The following PMM1 variants were observed in gnomAD, a reference collection of about 807,000 sequenced individuals.
PMM1 encodes the protein brain glucose-1,6-bisphosphatase.
In PMM1, 25 loss-of-function variants were observed where a neutral mutation model predicts 34.0. The ratio of observed to expected loss-of-function variants is 0.73; its 90% CI spans 0.54 to 1.03. The LOEUF is 1.03. Ranked by LOEUF, PMM1 falls within the 50% of genes least tolerant of loss-of-function variation. PMM1 has a pLI of 0.00. For missense variants in PMM1, 321 were observed against 350.1 expected (o/e 0.92, Z 0.66); for synonymous variants, 134 against 143.9 (o/e 0.93, Z 0.49).
chr22:41,577,300 C>G lies in PMM1; in HGVS notation c.*18G>C. 1.2e-6 allele frequency: 2 copies of G among 1,612,686 alleles called. No homozygotes were observed. The highest frequency in any genetic ancestry group is 1.7e-6 in the Non-Finnish European group (2 of 1,179,986). On this transcript the variant is annotated 3_prime_UTR_variant, in exon 8 of 8. Coordinates refer to ENST00000216259, the MANE Select transcript of PMM1 (RefSeq NM_002676.3). ...GCCAAACTCTTCAGAAGTCACGACA[C>G]ACAGATGTGGGCCCCGGTCACGCCT...
intron 5 of PMM1, chr22:41,579,895 A>T (rs576628716): frequency 6.6e-6 from 1 of 152,470 alleles, no homozygotes; most frequent in East Asian, 1.9e-4. Flanking sequence ...GGACTAAAGG[A>T]CAGAGAAGTA....
intron 1 of PMM1, chr22:41,588,543 C>A: frequency 6.8e-6 from 4 of 588,646 alleles, no homozygotes; most frequent in Non-Finnish European, 8.6e-6. Context: ...TTAGTAGAGA[C>A]GGGGTTTCAC....
At chr22:41,581,900 G>A (rs1372273960) in intron 5 of PMM1, among the ~76,000 whole-genome samples, 4 of 151,992 alleles carry the variant, frequency 2.6e-5, no homozygotes, top group African/African-American at 7.3e-5. Flanking sequence ...CAGAAGAATC[G>A]CTTGAACCAG....
At position 41,576,935 on chromosome 22, in the gene PMM1, T is replaced by C; in HGVS notation, c.*383A>G. The C allele has an allele frequency of 3.0e-6, 1 of 329,034 alleles. No individual in the cohort carries two copies. The highest frequency in any genetic ancestry group is 5.9e-6 in the Non-Finnish European group (1 of 169,204). 20.4% of individuals were successfully genotyped at this position (329,034 alleles called of 1,614,324 possible). A position where few individuals can be genotyped will look rare whatever the true frequency, so the allele number is the denominator to read the frequency against. The stretch of plus-strand genomic sequence containing the variant: ...GAACTTTAATACTGTGACAAAGTTC[T>C]CTAAAATAGGCACCTTCCCCACCGT... On this transcript the variant is annotated 3_prime_UTR_variant, in exon 8 of 8. Coordinates refer to ENST00000216259, the MANE Select transcript of PMM1 (RefSeq NM_002676.3).
rs140192526 is a variant in PMM1 at position 41,584,569 on chromosome 22, G to A, written c.240C>T (p.Asn80=). 5.7e-4 allele frequency: 922 copies of A among 1,613,772 alleles called. 2 individuals carry two copies. Among genetic ancestry groups the A allele is most frequent in the Non-Finnish European group, 6.8e-4 (802 of 1,179,926 alleles). ...IEKFDYVFAE[N]GTVQYKHGRL... ...GTCCGTGCTTATACTGCACCGTCCCGTTCTCGGCAAACACATAATCAAACT... is the reference window on the plus strand; with the variant it reads ...GTCCGTGCTTATACTGCACCGTCCCATTCTCGGCAAACACATAATCAAACT... The change falls in exon 3 of 8, where the codon AAC becomes AAT. Residue 80 remains asparagine (N), a synonymous_variant. Transcript: ENST00000216259.
chr22:41,577,425 CAA>C lies in PMM1; in HGVS notation c.680_681del (p.Phe227Ter). On this transcript the variant is annotated frameshift_variant, in exon 8 of 8. Transcript: ENST00000216259. LOFTEE classifies it high-confidence loss of function. Reference sequence around the variant, plus strand: ...ACAGTCCGGGGGTCGGCAAAGATCTCAAAGTCGTTCCCACCCTGCACACAGAG... The same window carrying C: ...ACAGTCCGGGGGTCGGCAAAGATCTCAGTCGTTCCCACCCTGCACACAGAG... ...GNETSPGGNDFEIFADPRTVG... is the reference protein window; with the variant it reads ...GNETSPGGNDXEIFADPRTVG... The C allele has an allele frequency of 1.9e-6, 3 of 1,611,662 alleles. No individual in the cohort carries two copies. The highest frequency in any genetic ancestry group is 2.5e-6 in the Non-Finnish European group (3 of 1,179,834).
chr22:41,586,170 G>T lies in PMM1; in HGVS notation c.111C>A (p.Ala37=). Residue 37 remains alanine, a synonymous_variant, in exon 2 of 8, where the codon GCC becomes GCA. Transcript: ENST00000216259. ...ARQKIDPEVA[A]FLQKLRSRVQ... is the part of the protein sequence containing the mutation. ...CTCTACTTCGTAGCTTCTGCAGGAAGGCGGCCACCTCAGGGTCAATTTTCT... is the reference window on the plus strand; with the variant it reads ...CTCTACTTCGTAGCTTCTGCAGGAATGCGGCCACCTCAGGGTCAATTTTCT... The T allele has an allele frequency of 6.2e-7, 1 of 1,611,698 alleles. No individual in the cohort carries two copies.
intron 4 of PMM1, 69 bp downstream of exon 4, chr22:41,584,212 C>T: frequency 6.9e-7 from 1 of 1,448,302 alleles, no homozygotes; most frequent in Non-Finnish European, 9.7e-7. Context: ...CTCCAGGTTC[C>T]CTCTGAGGGA....
Position 41,584,482 on chromosome 22 carries a change from A to G in PMM1, c.282+45T>C, listed in dbSNP as rs745880584. 4.5e-6 allele frequency: 7 copies of G among 1,571,930 alleles called. No individual in the cohort carries two copies. In the South Asian group the frequency reaches 5.6e-5, roughly 12 times the overall value. On this transcript the variant is annotated intron_variant, in intron 3 of 7. Coordinates refer to ENST00000216259, the MANE Select transcript of PMM1 (RefSeq NM_002676.3). ...AGAAGCCCCCTTGGACTGCTCCACT[A>G]TGGAAAAGTGGGGTGCCCCTGGCTA...
Position 41,584,287 on chromosome 22 carries a change from T to C in PMM1, c.368A>G (p.Lys123Arg). 6 of 1,614,044 alleles carry C rather than the reference T, an allele frequency of 3.7e-6. No individual in the cohort carries two copies. The highest frequency in any genetic ancestry group is 5.1e-6 in the Non-Finnish European group (6 of 1,179,924). ...LSYMALLRLP[K>R]KRGTFIEFRN... ...CAGGCTGGTGGGACCTCACCGCTTC[T>C]TGGGCAGCCTGAGCAGGGCCATGTA... Residue 123 changes from lysine to arginine, a missense_variant, in exon 4 of 8, where the codon AAG (lysine) becomes AGG (arginine). Lys to Arg is a conservative substitution (Grantham distance 26). Transcript: ENST00000216259.
At chr22:41,587,213 T>G (rs1360504366) in intron 1 of PMM1, among the ~76,000 whole-genome samples, 1 of 148,556 alleles carries the variant, frequency 6.7e-6, no homozygotes, top group Non-Finnish European at 1.5e-5. Context: ...GAGCTTGCAG[T>G]GAGCTGAGAT....
In PMM1 at chr22:41,577,316, G is replaced by C; in HGVS notation, c.*2C>G. On this transcript the variant is annotated 3_prime_UTR_variant, in exon 8 of 8. Coordinates refer to ENST00000216259, the MANE Select transcript of PMM1 (RefSeq NM_002676.3). ...GTCACGACACACAGATGTGGGCCCC[G>C]GTCACGCCTCATGAGCTGTCTCTGG... 1 of 1,612,870 alleles carries C rather than the reference G, an allele frequency of 6.2e-7. No individual in the cohort carries two copies. The highest frequency in any genetic ancestry group is 2.2e-5 in the East Asian group (1 of 44,870).
At chr22:41,588,763 G>A in intron 1 of PMM1, 9 of 983,772 alleles carry the variant, frequency 9.1e-6, no homozygotes, top group Non-Finnish European at 1.1e-5. Context: ...AGGGGCATTC[G>A]GGACCTAAGA....
intron 4 of PMM1, 29 bp from the exon 5 acceptor site, chr22:41,584,087 A>C (rs749234221): frequency 1.3e-6 from 2 of 1,549,004 alleles, no homozygotes; most frequent in East Asian, 4.5e-5. Context: ...GGGGAGCCAG[A>C]GAGAACCAGA....
chr22:41,585,380 TA>T (rs1208411061), intron 2 of PMM1: 1 of 152,196 alleles, frequency 6.6e-6, no homozygotes, highest in Non-Finnish European at 1.5e-5. Flanking sequence ...ACGCCTACTC[TA>T]AAGTGTGATT....
At chr22:41,580,590 G>A (rs1216923178) in intron 5 of PMM1, 1 of 152,218 alleles carries the variant, frequency 6.6e-6, no homozygotes, top group Non-Finnish European at 1.5e-5. Flanking sequence ...GGTAGAGCTG[G>A]GACTGGGAAC....
intron 7 of PMM1, 82 bp from the exon 8 acceptor site, chr22:41,577,522 C>T: frequency 6.8e-7 from 1 of 1,466,206 alleles, no homozygotes; most frequent in South Asian, 1.2e-5. Context: ...GCCCCTCCTC[C>T]TGCCCCTTCA....
At chr22:41,584,819 A>G in intron 2 of PMM1, 1 of 535,230 alleles carries the variant, frequency 1.9e-6, no homozygotes, top group Non-Finnish European at 3.3e-6. Context: ...CTCTGCACAC[A>G]GGCATCCATG....
rs533296574 is a variant in PMM1, at chr22:41,577,572, C to T, written c.667-132G>A. The T allele has an allele frequency of 3.6e-5, 39 of 1,075,728 alleles. No homozygotes were observed. In the South Asian group the frequency reaches 5.6e-4, roughly 15 times the overall value. 66.6% of individuals were successfully genotyped at this position (1,075,728 alleles called of 1,614,324 possible). On this transcript the variant is annotated intron_variant, in intron 7 of 7. Transcript: ENST00000216259. ...CCCACCTTCTCACCCCTTGTCAGAC[C>T]TGCCCTGACTTGCTGTGTGATGTAG...
Sources: allele counts gnomAD v4.1 joint callset (sites outside exome capture counted in the v4.1 genomes callset), GRCh38; gene constraint gnomAD v4.1.1; transcripts MANE v1.5; gene names NCBI Gene and HGNC (gene_info 2026-07-23, HGNC 2026-07-21).